The following ALDH5A1 variants were observed in gnomAD, a reference collection of about 807,000 sequenced individuals.
ALDH5A1 encodes aldehyde dehydrogenase 5 family member A1, also known as succinate-semialdehyde dehydrogenase, mitochondrial.
ALDH5A1 carries 33 observed loss-of-function variants against 54.7 expected under a neutral mutation model. The observed-to-expected ratio is 0.60, with a 90% CI of 0.46 to 0.81. The LOEUF (loss-of-function observed/expected upper bound fraction) is 0.81. Ranked by LOEUF, ALDH5A1 falls within the 30% of genes least tolerant of loss-of-function variation. The probability of loss-of-function intolerance (pLI) is 0.00; values close to 1 mark genes in which losing one functional copy is unlikely to be tolerated. For synonymous variants in ALDH5A1, 294 were observed against 292.7 expected (o/e 1.00, Z -0.05); for missense variants, 657 against 711.0 (o/e 0.92, Z 0.86).
At chr6:24,523,147 G>C (rs1303545032) in intron 7 of ALDH5A1, among the ~76,000 whole-genome samples, 2 of 152,052 alleles carry the variant, frequency 1.3e-5, no homozygotes, top group Non-Finnish European at 2.9e-5. Flanking sequence ...ATTATTAGAA[G>C]AGTAGATTTT....
intron 8 of ALDH5A1, 54 bp from the exon 9 acceptor site, chr6:24,532,065 G>C: frequency 6.5e-7 from 1 of 1,533,588 alleles, no homozygotes; most frequent in Non-Finnish European, 9.0e-7. Flanking sequence ...AAACAAAACT[G>C]GTTTCCTTTC....
chr6:24,502,494 A>T, intron 1 of ALDH5A1, 29 bp from the exon 2 acceptor site: 1 of 1,517,230 alleles, frequency 6.6e-7, no homozygotes. Context: ...GCATTTTATT[A>T]CTTTTCTGCC....
At chr6:24,500,647 AAATAAT>A (rs35094488) in intron 1 of ALDH5A1, among the ~76,000 whole-genome samples, 6,907 of 144,128 alleles carry the variant, frequency 0.048, 407 homozygotes, top group African/African-American at 0.14. Context: ...ACCGTATCTA[AAATAAT>A]AATAATAATA....
chr6:24,522,659 A>G (rs1581819845), intron 6 of ALDH5A1, 108 bp from the exon 7 acceptor site: 2 of 1,359,518 alleles, frequency 1.5e-6, no homozygotes, highest in African/African-American at 1.4e-5. Context: ...GCACATGACA[A>G]CCACCGAGGG....
At position 24,529,670 on chromosome 6, in the gene ALDH5A1, G is replaced by GTTTTT. The variant is rs55878931; in HGVS notation, c.1343+1521_1343+1525dup. On this transcript the variant is annotated intron_variant, in intron 8 of 9. Transcript: ENST00000357578. ...ATACGGTTTTTTTGTTTTGGTTTGG[G>GTTTTT]TTTTTTTTTTTTTTTTTTTTTGATG... 2.8e-3 allele frequency among the ~76,000 whole-genome samples: 243 copies of GTTTTT among 86,314 alleles called. 4 individuals are homozygous for GTTTTT. The highest frequency in any genetic ancestry group is 4.2e-3 in the Non-Finnish European group (196 of 46,516). 56.6% of individuals were successfully genotyped at this position (86,314 alleles called of 152,430 possible).
chr6:24,516,669 G>C (rs1047470314), intron 5 of ALDH5A1, among the ~76,000 whole-genome samples: 1 of 151,838 alleles, frequency 6.6e-6, no homozygotes, highest in African/African-American at 2.4e-5. Flanking sequence ...CCCAGGCGTG[G>C]TGGCTCACAC....
chr6:24,517,083 T>C, intron 5 of ALDH5A1, among the ~76,000 whole-genome samples: 1 of 152,202 alleles, frequency 6.6e-6, no homozygotes, highest in East Asian at 1.9e-4. Context: ...CTTGGCTAAC[T>C]GTAACCTCTG....
rs1001950281 is a variant in ALDH5A1 at position 24,518,845 on chromosome 6, C to T, written c.871-1556C>T. Reference sequence around the variant, plus strand: ...CAATCCTAGAGCCACCTTGGGCTTGCGAACACCGTCTGTTTCACTCGAACT... The same window carrying T: ...CAATCCTAGAGCCACCTTGGGCTTGTGAACACCGTCTGTTTCACTCGAACT... On this transcript the variant is annotated intron_variant, in intron 5 of 9. Transcript: ENST00000357578. The surrounding 1 kb of genome is among the most constrained non-coding windows in gnomAD (Gnocchi z 4.2). Among the ~76,000 whole-genome samples, 4 of 152,144 alleles carry T rather than the reference C, an allele frequency of 2.6e-5. No homozygotes were observed. The highest frequency in any genetic ancestry group is 5.9e-5 in the Non-Finnish European group (4 of 68,024).
chr6:24,525,212 G>C (rs374107510), intron 7 of ALDH5A1, among the ~76,000 whole-genome samples: 2 of 152,282 alleles, frequency 1.3e-5, no homozygotes, highest in East Asian at 3.9e-4. Context: ...TGGGGAGGAA[G>C]GGGGTATTTT....
At chr6:24,520,338 C>T in intron 5 of ALDH5A1, 63 bp from the exon 6 acceptor site, 2 of 1,607,404 alleles carry the variant, frequency 1.2e-6, no homozygotes, top group South Asian at 2.2e-5. Flanking sequence ...TTTTTTTAAA[C>T]AAAGGCTTAA....
At chr6:24,504,038 G>A (rs768715120) in intron 3 of ALDH5A1, among the ~76,000 whole-genome samples, 4 of 152,106 alleles carry the variant, frequency 2.6e-5, no homozygotes, top group Non-Finnish European at 5.9e-5. Context: ...AGCTGGTCTC[G>A]AGACGTCTGT....
At chr6:24,528,436 C>T (rs1221191127) in intron 8 of ALDH5A1, among the ~76,000 whole-genome samples, 2 of 151,916 alleles carry the variant, frequency 1.3e-5, no homozygotes. Flanking sequence ...GATCTTGGCT[C>T]ACTGCAACCT....
chr6:24,533,720 T>C lies in ALDH5A1; in HGVS notation c.*8T>C. ...TGTTACGGGGGCTTGTAGGATTCTT[T>C]GGTTCTTTAAAAAAATTTAAAAGGA... On this transcript the variant is annotated 3_prime_UTR_variant, in exon 10 of 10. Transcript: ENST00000357578. The C allele has an allele frequency of 1.9e-6, 3 of 1,613,680 alleles. No individual in the cohort carries two copies. Among genetic ancestry groups the C allele is most frequent in the East Asian group, 4.5e-5 (2 of 44,892 alleles).
At chr6:24,499,597 A>G (rs1004976430) in intron 1 of ALDH5A1, among the ~76,000 whole-genome samples, 1 of 150,960 alleles carries the variant, frequency 6.6e-6, no homozygotes, top group African/African-American at 2.4e-5. Context: ...GGCCTAAGCG[A>G]TTCCCCCACC....
At chr6:24,526,844 C>A (rs866708211) in intron 7 of ALDH5A1, among the ~76,000 whole-genome samples, 116 of 132,782 alleles carry the variant, frequency 8.7e-4, no homozygotes, top group Non-Finnish European at 1.4e-3. Context: ...TATATCTTCT[C>A]TATATATATA....
At chr6:24,504,752 C>A in intron 3 of ALDH5A1, 117 bp from the exon 4 acceptor site, 1 of 1,032,086 alleles carries the variant, frequency 9.7e-7, no homozygotes, top group Non-Finnish European at 1.5e-6. Context: ...TGCAGCCAAA[C>A]GGGTTTGTCA....
chr6:24,499,754 G>A (rs907821069), intron 1 of ALDH5A1, among the ~76,000 whole-genome samples: 16 of 145,846 alleles, frequency 1.1e-4, no homozygotes, highest in African/African-American at 3.3e-4. Flanking sequence ...TGCAACCTCC[G>A]CCTCCTAGGT....
chr6:24,496,924 T>C (rs1027250935), intron 1 of ALDH5A1, among the ~76,000 whole-genome samples: 1 of 152,162 alleles, frequency 6.6e-6, no homozygotes, highest in African/African-American at 2.4e-5. Flanking sequence ...AGGAGCACCA[T>C]TCAGCCCGTA....
intron 1 of ALDH5A1, among the ~76,000 whole-genome samples, chr6:24,499,101 CAAAA>C (rs35062384): frequency 1.1e-4 from 10 of 91,256 alleles, no homozygotes; most frequent in African/African-American, 2.8e-4. Context: ...GACTCTGTCT[CAAAA>C]AAAAAAAAAA....
Sources: gnomAD v4.1 joint callset for allele counts (sites outside exome capture counted in the v4.1 genomes callset) on GRCh38, gnomAD v4.1.1 for gene constraint, Gnocchi (gnomAD v3.1) non-coding constraint, MANE v1.5 for transcripts, NCBI Gene and HGNC (gene_info 2026-07-23, HGNC 2026-07-21) for gene names.